Variants in PBX1 observed in about 807,000 individuals in gnomAD.
PBX1 encodes pre-B-cell leukemia transcription factor 1.
PBX1 carries 6 observed loss-of-function variants against 53.4 expected under a neutral mutation model. That is an observed-to-expected ratio of 0.11 (90% CI 0.06 to 0.22). The LOEUF (loss-of-function observed/expected upper bound fraction) is 0.22. PBX1 is among the 10% of genes least tolerant of loss of function. The pLI is 1.00. For synonymous variants in PBX1, 204 were observed against 212.3 expected, an observed-to-expected ratio of 0.96 and a Z score of 0.34; for missense variants, 251 against 551.4, an observed-to-expected ratio of 0.46 and a Z score of 5.46.
chr1:164,664,581 G>A (rs1013453866), intron 2 of PBX1, among the ~76,000 whole-genome samples: 1 of 152,158 alleles, frequency 6.6e-6, no homozygotes, highest in African/African-American at 2.4e-5. Context: ...ACAAGTCCTG[G>A]CATCATTCTG....
At chr1:164,664,741 G>A (rs1344904126) in intron 2 of PBX1, among the ~76,000 whole-genome samples, 1 of 152,214 alleles carries the variant, frequency 6.6e-6, no homozygotes, top group Admixed American at 6.5e-5. Context: ...CGGAAGGCAA[G>A]GAGGAGCAAG....
At position 164,614,746 on chromosome 1, in the gene PBX1, C is replaced by T. The variant is rs986581903; in HGVS notation, c.265+51435C>T. On this transcript the variant is annotated intron_variant, in intron 2 of 8. Coordinates refer to ENST00000420696, the MANE Select transcript of PBX1 (RefSeq NM_002585.4). Reference sequence around the variant, plus strand: ...TCTAGGGCATGACCGGCAGCTTAGGCTGGCTTCCCTGGTCATGTCAGTTGA... The same window carrying T: ...TCTAGGGCATGACCGGCAGCTTAGGTTGGCTTCCCTGGTCATGTCAGTTGA... Among the ~76,000 whole-genome samples, 5 of 152,174 alleles carry T rather than the reference C, an allele frequency of 3.3e-5. 1 individual carries two copies. The South Asian group carries it at 1.0e-3, about 32-fold the overall frequency.
intron 2 of PBX1, among the ~76,000 whole-genome samples, chr1:164,637,345 T>A (rs1289738465): frequency 6.6e-6 from 1 of 152,078 alleles, no homozygotes; most frequent in Non-Finnish European, 1.5e-5. Flanking sequence ...TGGACCAAAG[T>A]AAAACTGAGA....
At chr1:164,797,390 G>T (rs1668841083) in intron 3 of PBX1, among the ~76,000 whole-genome samples, 1 of 152,120 alleles carries the variant, frequency 6.6e-6, no homozygotes, top group Non-Finnish European at 1.5e-5. Context: ...CATGTGCCTA[G>T]CCCTCCACTC....
At chr1:164,716,374 G>A (rs929245798) in intron 2 of PBX1, among the ~76,000 whole-genome samples, 1 of 152,016 alleles carries the variant, frequency 6.6e-6, no homozygotes, top group East Asian at 1.9e-4. Flanking sequence ...GAAAAATTAG[G>A]CAATTTAGCC....
intron 7 of PBX1, among the ~76,000 whole-genome samples, 169 bp downstream of exon 7, chr1:164,820,353 G>T (rs758747813): frequency 6.6e-6 from 1 of 152,104 alleles, no homozygotes; most frequent in South Asian, 2.1e-4. Context: ...GGGGAATCTC[G>T]TCCACACTTT....
chr1:164,852,540 T>G (rs748947064), downstream of PBX1, among the ~76,000 whole-genome samples: 1 of 152,194 alleles, frequency 6.6e-6, no homozygotes, highest in Non-Finnish European at 1.5e-5. Context: ...GGGATGGAAC[T>G]CCTTGTCTGC....
At chr1:164,714,807 T>A (rs1663994161) in intron 2 of PBX1, among the ~76,000 whole-genome samples, 1 of 152,190 alleles carries the variant, frequency 6.6e-6, no homozygotes, top group African/African-American at 2.4e-5. Context: ...TAAAGGGTAT[T>A]AGAACCCAAG....
intron 1 of PBX1, among the ~76,000 whole-genome samples, chr1:164,560,782 CAGCTATGTAGGG>C (rs1369404576): frequency 1.8e-4 from 28 of 152,244 alleles, no homozygotes; most frequent in Middle Eastern, 3.4e-3. Context: ...GTGACACAGA[CAGCTATGTAGGG>C]TCCTTTAAAA....
intron 2 of PBX1, among the ~76,000 whole-genome samples, chr1:164,733,174 G>T (rs1665090011): frequency 6.6e-6 from 1 of 152,158 alleles, no homozygotes; most frequent in Admixed American, 6.5e-5. Context: ...TCTGACTTCA[G>T]ACTGGCTCTG....
At chr1:164,563,189 T>C in intron 1 of PBX1, 49 bp from the exon 2 acceptor site, 1 of 1,319,570 alleles carries the variant, frequency 7.6e-7, no homozygotes, top group East Asian at 2.3e-5. Context: ...TTATCGGCAG[T>C]TTGATCTTGA....
chr1:164,700,668 C>CA (rs1663066616), intron 2 of PBX1: 1 of 985,286 alleles, frequency 1.0e-6, no homozygotes. Context: ...GGAGACCCTG[C>CA]AGCAGATAGG....
At chr1:164,880,625 C>A (rs191459613) in intron 2 of PBX1, among the ~76,000 whole-genome samples, 2 of 152,308 alleles carry the variant, frequency 1.3e-5, no homozygotes, top group Admixed American at 1.3e-4. Context: ...AGTTGACAGG[C>A]CCTTGGGAAA....
In PBX1 at chr1:164,725,006, A is replaced by G. The variant is rs559668818; in HGVS notation, c.266-67488A>G. 4.6e-5 allele frequency among the ~76,000 whole-genome samples: 7 copies of G among 152,160 alleles called. No homozygotes were observed. The South Asian group carries it at 1.5e-3, about 32-fold the overall frequency. On this transcript the variant is annotated intron_variant, in intron 2 of 8. Transcript: ENST00000420696. ...TCCTTTTTCGGTTTTTGAATGATGG[A>G]TGCTGTGGTATCATAGGAAAAAGAG...
intron 2 of PBX1, among the ~76,000 whole-genome samples, chr1:164,879,141 T>A (rs1672583887): frequency 6.6e-6 from 1 of 152,202 alleles, no homozygotes; most frequent in African/African-American, 2.4e-5. Context: ...TTTGGTTTTC[T>A]TAAGTATAGT....
intron 2 of PBX1, among the ~76,000 whole-genome samples, chr1:164,764,090 A>G (rs940949821): frequency 6.6e-6 from 1 of 152,170 alleles, no homozygotes; most frequent in Non-Finnish European, 1.5e-5. Flanking sequence ...TTCTGGAGGA[A>G]AAAAGAATCC....
At chr1:164,864,203 G>A (rs1672164266) in intron 2 of PBX1, among the ~76,000 whole-genome samples, 2 of 152,182 alleles carry the variant, frequency 1.3e-5, no homozygotes, top group South Asian at 4.2e-4. Flanking sequence ...AGTAAGTTTA[G>A]AATCCATACT....
rs1270066423 is a variant in PBX1, at chr1:164,563,315, G to A, written c.265+4G>A. 6.3e-7 allele frequency: 1 copy of A among 1,592,990 alleles called. No homozygotes were observed. On this transcript the variant is annotated splice_donor_region_variant and intron_variant, in intron 2 of 8. Transcript: ENST00000420696. ...TGTGAAATCAAAGAAAAAACAGGTA[G>A]GAATGAGATTCCAACATTTTAGCAT...
At chr1:164,641,917 G>A (rs1212831446) in intron 2 of PBX1, 1 of 152,154 alleles carries the variant, frequency 6.6e-6, no homozygotes, top group African/African-American at 2.4e-5. Flanking sequence ...TAAATTTTAA[G>A]CTTTTGATCC....
Sources: gnomAD v4.1 joint callset for allele counts (sites outside exome capture counted in the v4.1 genomes callset) on GRCh38, gnomAD v4.1.1 for gene constraint, MANE v1.5 for transcripts, NCBI Gene and HGNC (gene_info 2026-07-23, HGNC 2026-07-21) for gene names.